The following PCDH15 variants were observed in gnomAD, a reference collection of about 807,000 sequenced individuals.
PCDH15 encodes protocadherin-15.
PCDH15 carries 129 observed loss-of-function variants against 178.5 expected under a neutral mutation model. That is an observed-to-expected ratio of 0.72 (90% CI 0.63 to 0.84). PCDH15 has a LOEUF of 0.84. Among genes scored for constraint, PCDH15 ranks in the 40% least tolerant of loss-of-function variants. The pLI is 0.00. For synonymous variants in PCDH15, 800 were observed against 732.0 expected (o/e 1.09, Z -1.50); for missense variants, 2,230 against 2,099.9 (o/e 1.06, Z -1.21).
chr10:55,531,273 A>T (rs533115557), intron 2 of PCDH15, among the ~76,000 whole-genome samples: 62 of 151,962 alleles, frequency 4.1e-4, no homozygotes, highest in Non-Finnish European at 8.1e-4. Flanking sequence ...AGCAGTAAAA[A>T]AGTAGACTGA....
chr10:55,338,596 T>C (rs1844462941), intron 2 of PCDH15, among the ~76,000 whole-genome samples: 1 of 152,072 alleles, frequency 6.6e-6, no homozygotes, highest in Non-Finnish European at 1.5e-5. Flanking sequence ...GGTGAAATCC[T>C]GTCTCTACTA....
chr10:54,331,767 A>G (rs1939640235), intron 6 of PCDH15, among the ~76,000 whole-genome samples: 1 of 152,080 alleles, frequency 6.6e-6, no homozygotes, highest in African/African-American at 2.4e-5. Flanking sequence ...CTCTGGACTC[A>G]GAACCCCAAA....
chr10:54,098,884 T>TA (rs1289054452), intron 15 of PCDH15, among the ~76,000 whole-genome samples: 5 of 152,148 alleles, frequency 3.3e-5, no homozygotes, highest in Admixed American at 1.3e-4. Context: ...TTTCTGTCAT[T>TA]AAAAAAATTT....
chr10:55,550,407 C>T (rs950846900), intron 2 of PCDH15, among the ~76,000 whole-genome samples: 1 of 152,082 alleles, frequency 6.6e-6, no homozygotes, highest in African/African-American at 2.4e-5. Flanking sequence ...TGTGGTTTCA[C>T]TGAAAATGAC....
At chr10:55,008,186 G>A (rs1433080712) in intron 2 of PCDH15, among the ~76,000 whole-genome samples, 5 of 151,744 alleles carry the variant, frequency 3.3e-5, no homozygotes, top group Admixed American at 2.6e-4. Flanking sequence ...GTCTACTTGA[G>A]AACTGGATAA....
intron 2 of PCDH15, among the ~76,000 whole-genome samples, chr10:54,617,755 C>CAAAAAAAAAAAAAAAAAA (rs71010398): frequency 8.5e-6 from 1 of 117,128 alleles, no homozygotes; most frequent in African/African-American, 3.4e-5. Flanking sequence ...TCTAAAAATA[C>CAAAAAAAAAAAAAAAAAA]AAAAAAAAAA....
intron 27 of PCDH15, among the ~76,000 whole-genome samples, chr10:53,861,142 A>G (rs768381502): frequency 3.9e-5 from 6 of 152,274 alleles, no homozygotes; most frequent in Non-Finnish European, 8.8e-5. Flanking sequence ...CATCTATAAC[A>G]AGGATATTTA....
intron 2 of PCDH15, among the ~76,000 whole-genome samples, chr10:55,058,351 T>TA (rs1221598866): frequency 3.3e-5 from 5 of 151,934 alleles, no homozygotes; most frequent in Admixed American, 1.3e-4. Flanking sequence ...GCTGAGACAA[T>TA]AGGTGCACCC....
At chr10:54,051,976 C>T (rs180824768) in intron 18 of PCDH15, among the ~76,000 whole-genome samples, 6 of 152,302 alleles carry the variant, frequency 3.9e-5, no homozygotes, top group East Asian at 1.9e-4. Context: ...AAGCCTTGGC[C>T]GCTTACATGT....
chr10:54,783,344 T>C (rs1372753733), intron 1 of PCDH15, among the ~76,000 whole-genome samples: 1 of 151,986 alleles, frequency 6.6e-6, no homozygotes, highest in Non-Finnish European at 1.5e-5. Flanking sequence ...TAAATACTAC[T>C]GAGGGCTTTA....
At chr10:55,374,258 C>G (rs1439161254) in intron 2 of PCDH15, among the ~76,000 whole-genome samples, 1 of 152,008 alleles carries the variant, frequency 6.6e-6, no homozygotes, top group Non-Finnish European at 1.5e-5. Context: ...GAGATTTGGT[C>G]TTTTGTTTTT....
intron 6 of PCDH15, among the ~76,000 whole-genome samples, chr10:54,342,137 C>G (rs556127341): frequency 6.6e-6 from 1 of 152,208 alleles, no homozygotes; most frequent in East Asian, 1.9e-4. Context: ...GCATAAGTAA[C>G]GAGGAACCAA....
chr10:54,779,477 C>CACATATATGTGTGTATATATAT (rs1950095894), intron 1 of PCDH15, among the ~76,000 whole-genome samples: 1 of 86,938 alleles, frequency 1.2e-5, no homozygotes, highest in Non-Finnish European at 2.4e-5. Flanking sequence ...TATATATACA[C>CACATATATGTGTGTATATATAT]ACATATATAT....
chr10:53,933,572 G>A (rs1310360868), intron 25 of PCDH15, among the ~76,000 whole-genome samples: 10 of 152,220 alleles, frequency 6.6e-5, no homozygotes, highest in South Asian at 2.1e-4. Context: ...CCAGACTATC[G>A]TTGTTGGACA....
At chr10:55,197,895 G>T (rs1464228286) in intron 1 of PCDH15, among the ~76,000 whole-genome samples, 1 of 152,014 alleles carries the variant, frequency 6.6e-6, no homozygotes, top group Non-Finnish European at 1.5e-5. Flanking sequence ...AAAATGGATG[G>T]ATATAAAGAT....
intron 15 of PCDH15, 99 bp from the exon 16 acceptor site, chr10:54,090,162 C>A: frequency 1.1e-6 from 1 of 908,614 alleles, no homozygotes; most frequent in South Asian, 1.4e-5. Flanking sequence ...ACAGAATGTC[C>A]ATGACACTGT....
chr10:54,264,294 A>C (rs2057525839), intron 8 of PCDH15, among the ~76,000 whole-genome samples: 1 of 152,148 alleles, frequency 6.6e-6, no homozygotes, highest in Non-Finnish European at 1.5e-5. Context: ...CAAATTCAAA[A>C]ACAAAGTATC....
chr10:55,371,314 C>T (rs2131989804), intron 2 of PCDH15, among the ~76,000 whole-genome samples: 1 of 152,070 alleles, frequency 6.6e-6, no homozygotes, highest in South Asian at 2.1e-4. Context: ...TGAGCCTTAC[C>T]CCAAACTTCA....
At chr10:55,006,975 T>C (rs1304173222) in intron 2 of PCDH15, among the ~76,000 whole-genome samples, 2 of 152,134 alleles carry the variant, frequency 1.3e-5, no homozygotes, top group Admixed American at 6.5e-5. Flanking sequence ...CTTTGTGATA[T>C]TGAGTTCTGG....
Sources: gnomAD v4.1 joint callset for allele counts (sites outside exome capture counted in the v4.1 genomes callset) on GRCh38, gnomAD v4.1.1 for gene constraint, MANE v1.5 for transcripts, NCBI Gene and HGNC (gene_info 2026-07-23, HGNC 2026-07-21) for gene names.